The following TACC1 variants were observed in gnomAD, a reference collection of about 807,000 sequenced individuals.
TACC1 encodes transforming acidic coiled-coil containing protein 1.
TACC1 carries 48 observed loss-of-function variants against 84.4 expected under a neutral mutation model. The observed-to-expected ratio is 0.57, with a 90% confidence interval of 0.45 to 0.72. The LOEUF is 0.72. Ranked by LOEUF, TACC1 falls within the 30% of genes least tolerant of loss-of-function variation. TACC1 has a pLI of 0.00. For synonymous variants in TACC1, 372 were observed against 376.3 expected (o/e 0.99, Z 0.13); for missense variants, 920 against 973.0 (o/e 0.95, Z 0.72).
chr8:38,843,950 G>C (rs1323165992), intron 11 of TACC1, among the ~76,000 whole-genome samples: 3 of 152,124 alleles, frequency 2.0e-5, no homozygotes, highest in Non-Finnish European at 4.4e-5. Context: ...GGAATTGCTA[G>C]ACCAAAGCAT....
chr8:38,847,144 C>T (rs1489469536), intron 12 of TACC1, among the ~76,000 whole-genome samples: 1 of 152,174 alleles, frequency 6.6e-6, no homozygotes, highest in East Asian at 1.9e-4. Flanking sequence ...AATATGAAGC[C>T]ATCTTCCCCC....
intron 6 of TACC1, among the ~76,000 whole-genome samples, chr8:38,831,435 G>A (rs1829214579): frequency 6.6e-6 from 1 of 152,208 alleles, no homozygotes; most frequent in African/African-American, 2.4e-5. Context: ...ACTACATGTT[G>A]AGATGATAAT....
At chr8:38,790,541 G>A (rs1174711550) in intron 2 of TACC1, among the ~76,000 whole-genome samples, 1 of 152,188 alleles carries the variant, frequency 6.6e-6, no homozygotes, top group Admixed American at 6.5e-5. Flanking sequence ...ATCTGGCACT[G>A]TCACCCTGAA....
chr8:38,757,748 G>A (rs1409213450), intron 3 of TACC1, among the ~76,000 whole-genome samples: 4 of 152,084 alleles, frequency 2.6e-5, no homozygotes, highest in African/African-American at 9.7e-5. Context: ...ACATTCACAA[G>A]ACAGAGTTAT....
chr8:38,751,291 C>G (rs1808991674), intron 3 of TACC1, among the ~76,000 whole-genome samples: 1 of 152,182 alleles, frequency 6.6e-6, no homozygotes, highest in Admixed American at 6.5e-5. Flanking sequence ...AACTGAGTAT[C>G]TTCATCTTAA....
rs1407832594 is a variant in TACC1 at position 38,852,210 on chromosome 8, C to T, written c.*4187C>T. The stretch of plus-strand genomic sequence containing the variant: ...TAGCATGCAGTTAGATTTGGACAAA[C>T]AAGATTCCTAAGGAATGACTTTATT... On this transcript the variant is annotated 3_prime_UTR_variant, in exon 13 of 13. Coordinates refer to ENST00000317827, the MANE Select transcript of TACC1 (RefSeq NM_006283.3). 1 of 285,306 alleles carries T rather than the reference C, an allele frequency of 3.5e-6. No homozygotes were observed. The highest frequency in any genetic ancestry group is 2.2e-5 in the African/African-American group (1 of 45,752). The allele number at this position is 285,306 out of a possible 1,614,324, so 17.7% of individuals were successfully genotyped here. A position where few individuals can be genotyped will look rare whatever the true frequency, so the allele number is the denominator to read the frequency against.
At chr8:38,796,780 G>A (rs1171326546) in intron 2 of TACC1, among the ~76,000 whole-genome samples, 2 of 152,252 alleles carry the variant, frequency 1.3e-5, no homozygotes, top group Admixed American at 6.5e-5. Context: ...GTGGAGGTGT[G>A]TGCGGCTGCC....
intron 3 of TACC1, among the ~76,000 whole-genome samples, chr8:38,763,452 C>T (rs1000105375): frequency 5.3e-5 from 8 of 152,124 alleles, no homozygotes; most frequent in African/African-American, 1.7e-4. Flanking sequence ...CCACCATGCC[C>T]GGCCTCATTT....
intron 7 of TACC1, among the ~76,000 whole-genome samples, chr8:38,838,147 C>G (rs1303972109): frequency 6.6e-6 from 1 of 152,212 alleles, no homozygotes; most frequent in Admixed American, 6.5e-5. Context: ...TGGCTCTGTT[C>G]TTGGTGTCTG....
intron 2 of TACC1, among the ~76,000 whole-genome samples, chr8:38,809,723 G>A (rs1563674940): frequency 6.6e-6 from 1 of 152,034 alleles, no homozygotes; most frequent in African/African-American, 2.4e-5. Flanking sequence ...AAGGAGTCTG[G>A]GTAACAGGAA....
At chr8:38,747,953 G>T (rs1349256451) in intron 3 of TACC1, among the ~76,000 whole-genome samples, 1 of 152,064 alleles carries the variant, frequency 6.6e-6, no homozygotes, top group Non-Finnish European at 1.5e-5. Context: ...ATGTGTAGGG[G>T]TAGGGGGTGT....
intron 1 of TACC1, among the ~76,000 whole-genome samples, chr8:38,732,614 T>A (rs1805177743): frequency 6.6e-6 from 1 of 152,220 alleles, no homozygotes; most frequent in East Asian, 1.9e-4. Flanking sequence ...ACTGAGCACT[T>A]ACTATGACCC....
At chr8:38,830,762 G>T (rs545806286) in intron 5 of TACC1, among the ~76,000 whole-genome samples, 8 of 152,260 alleles carry the variant, frequency 5.3e-5, no homozygotes, top group Non-Finnish European at 1.0e-4. Context: ...AATTCACTCC[G>T]ACTTGATGAT....
chr8:38,765,782 G>A (rs1378690284), intron 3 of TACC1, among the ~76,000 whole-genome samples: 47 of 152,066 alleles, frequency 3.1e-4, no homozygotes, highest in Admixed American at 2.9e-3. Context: ...GACATATGCC[G>A]AAAAGTCAAA....
Position 38,758,745 on chromosome 8 carries a change from T to C in TACC1, c.26+13252T>C, listed in dbSNP as rs1007750717. On this transcript the variant is annotated intron_variant, in intron 3 of 14. Transcript: ENST00000518415. The stretch of plus-strand genomic sequence containing the variant: ...GCACATGACATGTGCAAAACACTTC[T>C]AAATGCCCCACATGTTATTTAACCC... 2.7e-5 allele frequency among the ~76,000 whole-genome samples: 4 copies of C among 147,136 alleles called. No homozygotes were observed. The South Asian group carries it at 9.1e-4, about 33-fold the overall frequency.
intron 3 of TACC1, among the ~76,000 whole-genome samples, chr8:38,823,084 T>TA (rs1262834100): frequency 6.6e-6 from 1 of 152,132 alleles, no homozygotes; most frequent in Non-Finnish European, 1.5e-5. Flanking sequence ...TGCTATGACT[T>TA]AAAGAAAAAC....
chr8:38,797,642 C>T (rs1820302826), intron 2 of TACC1, among the ~76,000 whole-genome samples: 1 of 152,230 alleles, frequency 6.6e-6, no homozygotes, highest in Admixed American at 6.5e-5. Flanking sequence ...GCATCAGCTT[C>T]TCAGCTCCAT....
intron 3 of TACC1, among the ~76,000 whole-genome samples, chr8:38,753,591 T>C (rs1390251009): frequency 1.3e-5 from 2 of 152,222 alleles, no homozygotes; most frequent in African/African-American, 4.8e-5. Context: ...TGGGGTAAGA[T>C]GTGTCTGGGG....
intron 2 of TACC1, among the ~76,000 whole-genome samples, chr8:38,795,060 A>G (rs571087251): frequency 3.7e-4 from 57 of 152,294 alleles, no homozygotes; most frequent in Non-Finnish European, 7.5e-4. Context: ...GGAGATTCCA[A>G]CCAGCTAATA....
Sources: gnomAD v4.1 joint callset for allele counts (sites outside exome capture counted in the v4.1 genomes callset) on GRCh38, gnomAD v4.1.1 for gene constraint, MANE v1.5 for transcripts, NCBI Gene and HGNC (gene_info 2026-07-23, HGNC 2026-07-21) for gene names.